CHSY3: variants seen among roughly 807,000 people sequenced by gnomAD.
CHSY3 encodes chondroitin sulfate synthase 3.
CHSY3 carries 35 observed loss-of-function variants against 67.2 expected under a neutral mutation model. The observed-to-expected ratio is 0.52, with a 90% confidence interval of 0.40 to 0.69. The LOEUF is 0.69. CHSY3 is among the 30% of genes least tolerant of loss of function. CHSY3 has a pLI of 0.00. For missense variants in CHSY3, 1,069 were observed against 1,138.5 expected (o/e 0.94, Z 0.88); for synonymous variants, 474 against 434.7 (o/e 1.09, Z -1.12).
At chr5:130,024,926 G>T (rs974132857) in intron 2 of CHSY3, among the ~76,000 whole-genome samples, 6 of 152,126 alleles carry the variant, frequency 3.9e-5, no homozygotes, top group African/African-American at 1.4e-4. Context: ...AGGATCAAAA[G>T]TGACAGTGGC....
intron 2 of CHSY3, among the ~76,000 whole-genome samples, chr5:129,991,224 G>A (rs949812496): frequency 6.6e-6 from 1 of 152,108 alleles, no homozygotes; most frequent in Non-Finnish European, 1.5e-5. Flanking sequence ...ATTCATTGGA[G>A]GAAGGTGATG....
intron 2 of CHSY3, among the ~76,000 whole-genome samples, chr5:130,180,368 A>T (rs962240102): frequency 6.6e-6 from 1 of 152,140 alleles, no homozygotes; most frequent in African/African-American, 2.4e-5. Flanking sequence ...TGTATAATTT[A>T]CATTCCACAA....
intron 2 of CHSY3, among the ~76,000 whole-genome samples, chr5:129,998,068 C>A (rs1763598865): frequency 6.6e-6 from 1 of 152,096 alleles, no homozygotes; most frequent in African/African-American, 2.4e-5. Context: ...AGTTCTAGAT[C>A]CTTGAGGAAT....
At chr5:129,961,097 AG>A (rs1762316260) in intron 2 of CHSY3, among the ~76,000 whole-genome samples, 1 of 152,082 alleles carries the variant, frequency 6.6e-6, no homozygotes, top group Non-Finnish European at 1.5e-5. Context: ...ATGAGTTTTC[AG>A]AAAACGGGCA....
Position 130,133,778 on chromosome 5 carries a change from A to C in CHSY3, c.1087-50451A>C, listed in dbSNP as rs1394298926. ...CAGTGTGAGACTCCGTCTTAAAAAA[A>C]AAAAAAAAAAAAAAAAAGAAAAAAA... On this transcript the variant is annotated intron_variant, in intron 2 of 2. Transcript: ENST00000305031. Among the ~76,000 whole-genome samples the C allele has an allele frequency of 4.3e-5, 5 of 117,178 alleles. No homozygotes were observed. The South Asian group carries it at 1.7e-3, about 40-fold the overall frequency. 76.9% of individuals were successfully genotyped at this position (117,178 alleles called of 152,430 possible).
chr5:129,905,516 G>A lies in CHSY3; in HGVS notation c.687G>A (p.Val229=), dbSNP rs759735346. The stretch of plus-strand genomic sequence containing the variant: ...TGCCTGTCATCGCGCTACCGGGTGT[G>A]GACGACTCCTATCCTCCCCAGAAAA... ...PPLPVIALPG[V]DDSYPPQKKS... is the part of the protein sequence containing the mutation. The change falls in exon 1 of 3, where the codon GTG becomes GTA. Residue 229 remains valine (V), a synonymous_variant. Coordinates refer to ENST00000305031, the MANE Select transcript of CHSY3 (RefSeq NM_175856.5). 1 of 1,613,326 alleles carries A rather than the reference G, an allele frequency of 6.2e-7. No homozygotes were observed. The highest frequency in any genetic ancestry group is 8.5e-7 in the Non-Finnish European group (1 of 1,180,016).
intron 2 of CHSY3, among the ~76,000 whole-genome samples, chr5:130,017,707 G>A (rs1764254359): frequency 6.6e-6 from 1 of 151,910 alleles, no homozygotes; most frequent in African/African-American, 2.4e-5. Context: ...TTAACATACT[G>A]AAGTAAAATT....
At chr5:129,905,895 TTGTCC>T in intron 1 of CHSY3, 1 of 727,008 alleles carries the variant, frequency 1.4e-6, no homozygotes, top group Non-Finnish European at 2.1e-6. Context: ...CGCCTCGCGC[TTGTCC>T]CTTAGTCTTT....
At chr5:130,168,491 A>T (rs1769810643) in intron 2 of CHSY3, among the ~76,000 whole-genome samples, 1 of 152,132 alleles carries the variant, frequency 6.6e-6, no homozygotes, top group African/African-American at 2.4e-5. Context: ...AAGATATAAA[A>T]GCTCTAAGAT....
At chr5:130,174,592 C>T (rs1250836172) in intron 2 of CHSY3, among the ~76,000 whole-genome samples, 1 of 151,926 alleles carries the variant, frequency 6.6e-6, no homozygotes, top group African/African-American at 2.4e-5. Flanking sequence ...TTATTCAATA[C>T]CTACATTAAT....
intron 2 of CHSY3, among the ~76,000 whole-genome samples, chr5:129,976,930 A>G (rs1042213188): frequency 2.0e-5 from 3 of 150,124 alleles, no homozygotes; most frequent in African/African-American, 7.4e-5. Context: ...ATATATATAT[A>G]TATGATATTA....
chr5:130,038,600 G>A (rs1764923379), intron 2 of CHSY3, among the ~76,000 whole-genome samples: 1 of 152,068 alleles, frequency 6.6e-6, no homozygotes, highest in South Asian at 2.1e-4. Context: ...ATGCTATGAG[G>A]TAGGAAATTC....
intron 2 of CHSY3, among the ~76,000 whole-genome samples, chr5:130,088,240 C>T (rs377178402): frequency 4.6e-5 from 7 of 151,902 alleles, no homozygotes; most frequent in African/African-American, 7.3e-5. Flanking sequence ...TAGACTTAAA[C>T]GTTAGACCTA....
chr5:130,096,493 T>A (rs1767052154), intron 2 of CHSY3, among the ~76,000 whole-genome samples: 1 of 152,214 alleles, frequency 6.6e-6, no homozygotes, highest in Admixed American at 6.5e-5. Context: ...TGTATCAAAG[T>A]GCTTAGTTTT....
At chr5:130,011,167 A>G (rs1012351065) in intron 2 of CHSY3, among the ~76,000 whole-genome samples, 1 of 152,136 alleles carries the variant, frequency 6.6e-6, no homozygotes, top group African/African-American at 2.4e-5. Context: ...CAGAAACCAA[A>G]CAAAAAAAGA....
At chr5:130,090,409 C>T (rs1039927915) in intron 2 of CHSY3, among the ~76,000 whole-genome samples, 2 of 152,162 alleles carry the variant, frequency 1.3e-5, no homozygotes, top group Non-Finnish European at 2.9e-5. Context: ...TACCTGGCTA[C>T]CAGTGCTTCC....
intron 2 of CHSY3, among the ~76,000 whole-genome samples, chr5:130,171,138 C>G (rs904888528): frequency 3.3e-5 from 5 of 152,046 alleles, no homozygotes; most frequent in African/African-American, 1.2e-4. Context: ...TAAAATTCTA[C>G]TTGAAAGTTT....
At chr5:130,003,192 T>C (rs1313303254) in intron 2 of CHSY3, among the ~76,000 whole-genome samples, 2 of 152,226 alleles carry the variant, frequency 1.3e-5, no homozygotes, top group South Asian at 2.1e-4. Flanking sequence ...CGAGTATCCA[T>C]GATACCATAA....
intron 2 of CHSY3, among the ~76,000 whole-genome samples, chr5:129,943,609 A>C (rs1289818630): frequency 1.3e-5 from 2 of 152,214 alleles, no homozygotes; most frequent in Non-Finnish European, 2.9e-5. Flanking sequence ...GATCCTTGAG[A>C]ATTTTTTCCC....
Sources: allele counts gnomAD v4.1 joint callset (sites outside exome capture counted in the v4.1 genomes callset), GRCh38; gene constraint gnomAD v4.1.1; transcripts MANE v1.5; gene names NCBI Gene and HGNC (gene_info 2026-07-23, HGNC 2026-07-21).